TRPS1: variants seen among roughly 807,000 people sequenced by gnomAD.
TRPS1 encodes transcriptional repressor GATA binding 1, also known as zinc finger transcription factor Trps1.
A neutral mutation model predicts 101.2 loss-of-function variants in TRPS1; 6 were observed. That is an observed-to-expected ratio of 0.06 (90% CI 0.03 to 0.12). TRPS1 has a LOEUF of 0.12. Ranked by LOEUF, TRPS1 falls within the 10% of genes least tolerant of loss-of-function variation. TRPS1 has a pLI of 1.00. For missense variants in TRPS1, 1,363 were observed against 1,567.0 expected, an observed-to-expected ratio of 0.87 and a Z score of 2.20; for synonymous variants, 578 against 589.8, an observed-to-expected ratio of 0.98 and a Z score of 0.29.
At chr8:115,535,300 T>TATATAGCATATATAGAGCATAC (rs1816276432) in intron 5 of TRPS1, among the ~76,000 whole-genome samples, 1 of 126,520 alleles carries the variant, frequency 7.9e-6, no homozygotes, top group African/African-American at 2.6e-5. Context: ...ATATAGCATA[T>TATATAGCATATATAGAGCATAC]ATATAGCATA....
In TRPS1 at chr8:115,414,516, T is replaced by G; in HGVS notation, c.3392A>C (p.Lys1131Thr). ...ADWLRFWSKY[K>T]LSVPGNPHYL... ...GTGCGGATTCCCAGGAACGGAGAGCTTATATTTACTCCAGAACCGCAGCCA... is the reference window on the plus strand; with the variant it reads ...GTGCGGATTCCCAGGAACGGAGAGCGTATATTTACTCCAGAACCGCAGCCA... Residue 1131 changes from lysine to threonine, a missense_variant, in exon 7 of 7, where the codon AAG becomes ACG. Transcript: ENST00000395715. The surrounding 1 kb of genome is among the most constrained non-coding windows in gnomAD (Gnocchi z 4.8). 1.9e-6 allele frequency: 3 copies of G among 1,613,884 alleles called. No individual in the cohort carries two copies. The highest frequency in any genetic ancestry group is 2.5e-6 in the Non-Finnish European group (3 of 1,179,944).
At chr8:115,524,659 T>C (rs1428220758) in intron 5 of TRPS1, among the ~76,000 whole-genome samples, 3 of 152,164 alleles carry the variant, frequency 2.0e-5, no homozygotes, top group African/African-American at 7.2e-5. Flanking sequence ...AAAAGGCACA[T>C]GCCATTTGTA....
intron 3 of TRPS1, among the ~76,000 whole-genome samples, chr8:115,616,984 T>C (rs1274512839): frequency 2.6e-5 from 4 of 152,178 alleles, no homozygotes; most frequent in African/African-American, 9.7e-5. Flanking sequence ...ACTAATAAGT[T>C]ACTTATCTTC....
At chr8:115,535,502 T>C (rs1816292875) in intron 5 of TRPS1, among the ~76,000 whole-genome samples, 1 of 147,780 alleles carries the variant, frequency 6.8e-6, no homozygotes. Flanking sequence ...ATATAGCATA[T>C]ATATAGCGCA....
At chr8:115,636,137 CATT>C (rs1191954101) in intron 1 of TRPS1, among the ~76,000 whole-genome samples, 2 of 151,560 alleles carry the variant, frequency 1.3e-5, no homozygotes, top group African/African-American at 4.9e-5. Context: ...TAAATATAAT[CATT>C]ATATTCTATA....
At chr8:115,433,855 G>GA (rs1813383360) in intron 5 of TRPS1, among the ~76,000 whole-genome samples, 1 of 152,114 alleles carries the variant, frequency 6.6e-6, no homozygotes, top group Non-Finnish European at 1.5e-5. Context: ...ATTTGCCGGG[G>GA]AAAAATCAGA....
At chr8:115,469,480 T>C (rs1474352001) in intron 5 of TRPS1, among the ~76,000 whole-genome samples, 1 of 152,140 alleles carries the variant, frequency 6.6e-6, no homozygotes, top group African/African-American at 2.4e-5. Context: ...GAATATTCAA[T>C]GGGCTACAGT....
At chr8:115,464,746 ACT>A (rs1412054116) in intron 5 of TRPS1, among the ~76,000 whole-genome samples, 1 of 151,952 alleles carries the variant, frequency 6.6e-6, no homozygotes, top group Non-Finnish European at 1.5e-5. Flanking sequence ...AAAAACTTCG[ACT>A]CTCTCTGGAA....
intron 5 of TRPS1, among the ~76,000 whole-genome samples, chr8:115,529,374 A>G (rs2130257685): frequency 6.6e-6 from 1 of 152,254 alleles, no homozygotes; most frequent in South Asian, 2.1e-4. Flanking sequence ...ACAATTGTAT[A>G]TGTAAGATGT....
chr8:115,507,496 A>T lies in TRPS1; in HGVS notation c.2700+79505T>A, dbSNP rs140815772. Among the ~76,000 whole-genome samples, 760 of 152,094 alleles carry T rather than the reference A, an allele frequency of 5.0e-3. 9 individuals are homozygous for T. Among genetic ancestry groups the T allele is most frequent in the African/African-American group, 0.017 (723 of 41,514 alleles). On this transcript the variant is annotated intron_variant, in intron 5 of 6. Coordinates refer to ENST00000395715, the MANE Select transcript of TRPS1 (RefSeq NM_014112.5). ...TGATCTCATTTTCACACATGGAATC[A>T]ATATGTGAGCCAGATGTTCATTTAC...
intron 5 of TRPS1, among the ~76,000 whole-genome samples, chr8:115,525,690 C>G (rs1815979825): frequency 6.6e-6 from 1 of 152,124 alleles, no homozygotes; most frequent in African/African-American, 2.4e-5. Flanking sequence ...AACAGCAACA[C>G]TTATTCTTTT....
In TRPS1 at chr8:115,587,484, G is replaced by A; in HGVS notation, c.2217C>T (p.Gly739=). The part of the protein sequence containing the change: ...CQEQDITTAN[G]EEDGHAISTI... ...TGGATATGGCATGACCGTCCTCTTC[G>A]CCGTTGGCTGTAGTGATGTCCTGTT... The change falls in exon 5 of 7, where the codon GGC becomes GGT. Residue 739 remains glycine, a synonymous_variant. Transcript: ENST00000395715. 1 of 1,614,084 alleles carries A rather than the reference G, an allele frequency of 6.2e-7. No homozygotes were observed. Among genetic ancestry groups the A allele is most frequent in the Non-Finnish European group, 8.5e-7 (1 of 1,180,010 alleles).
intron 1 of TRPS1, among the ~76,000 whole-genome samples, chr8:115,644,777 T>C (rs1818983566): frequency 6.6e-6 from 1 of 152,196 alleles, no homozygotes; most frequent in Non-Finnish European, 1.5e-5. Context: ...TTCTTTTCAC[T>C]TTAACACTTA....
intron 5 of TRPS1, among the ~76,000 whole-genome samples, chr8:115,503,739 T>C (rs1815374675): frequency 6.6e-6 from 1 of 152,212 alleles, no homozygotes; most frequent in Non-Finnish European, 1.5e-5. Flanking sequence ...CAAACCAGTA[T>C]GCAATACACA....
At chr8:115,481,182 C>CGTTT (rs199633031) in intron 5 of TRPS1, among the ~76,000 whole-genome samples, 1,833 of 152,108 alleles carry the variant, frequency 0.012, 40 homozygotes, top group South Asian at 0.045. Flanking sequence ...CTTGTTTGCC[C>CGTTT]GTTTACAGAT....
At chr8:115,529,061 G>C (rs957653206) in intron 5 of TRPS1, among the ~76,000 whole-genome samples, 7 of 151,986 alleles carry the variant, frequency 4.6e-5, no homozygotes, top group Admixed American at 2.0e-4. Context: ...TATGAGCTAG[G>C]AAGGAGACGA....
chr8:115,653,132 C>A (rs1214477756), intron 1 of TRPS1, among the ~76,000 whole-genome samples: 1 of 152,118 alleles, frequency 6.6e-6, no homozygotes, highest in Non-Finnish European at 1.5e-5. Flanking sequence ...AGGTTCCAAT[C>A]TCTCAAAGTC....
At position 115,632,492 on chromosome 8, in the gene TRPS1, G is replaced by A. The variant is rs191371431; in HGVS notation, c.-121-8734C>T. 1.6e-3 allele frequency among the ~76,000 whole-genome samples: 240 copies of A among 151,786 alleles called. 8 individuals are homozygous for A. In the South Asian group the frequency reaches 0.044, roughly 28 times the overall value. On this transcript the variant is annotated intron_variant, in intron 1 of 6. Transcript: ENST00000395715. ...AATGCGCGTACACACACAAACACAC[G>A]TGCACACACACACACACCAATTCTC...
intron 3 of TRPS1, among the ~76,000 whole-genome samples, chr8:115,613,322 T>A (rs1304105487): frequency 6.6e-6 from 1 of 152,210 alleles, no homozygotes. Flanking sequence ...AGAAGCTTAG[T>A]AAGTTCAAAT....
Sources: allele counts gnomAD v4.1 joint callset (sites outside exome capture counted in the v4.1 genomes callset), GRCh38; gene constraint gnomAD v4.1.1; non-coding constraint Gnocchi (gnomAD v3.1); transcripts MANE v1.5; gene names NCBI Gene and HGNC (gene_info 2026-07-23, HGNC 2026-07-21).